Variants in FRK observed in about 807,000 individuals in gnomAD.
FRK encodes the protein fyn related Src family tyrosine kinase, also known as tyrosine-protein kinase FRK.
Under a neutral mutation model 56.4 loss-of-function variants are expected in FRK, and 51 were observed. The observed-to-expected ratio is 0.90, with a 90% CI of 0.72 to 1.14. FRK has a LOEUF of 1.14. Ranked by LOEUF, FRK falls within the 50% of genes most tolerant of loss-of-function variation. The probability of loss-of-function intolerance (pLI) is 0.00; values close to 1 mark genes in which losing one functional copy is unlikely to be tolerated. For missense variants in FRK, 570 were observed against 601.4 expected (o/e 0.95, Z 0.55); for synonymous variants, 245 against 217.9 (o/e 1.12, Z -1.10).
chr6:116,100,364 C>T, the FRK span, among the ~76,000 whole-genome samples: 21 of 152,350 alleles, frequency 1.4e-4, no homozygotes, highest in Non-Finnish European at 2.8e-4. Context: ...GTTTAAACCA[C>T]TATCAAAGAT....
At chr6:116,030,065 C>T (rs1259668489) in intron 1 of FRK, among the ~76,000 whole-genome samples, 1 of 152,072 alleles carries the variant, frequency 6.6e-6, no homozygotes, top group Non-Finnish European at 1.5e-5. Context: ...TTATGAACCA[C>T]AGACCCCTCG....
intron 1 of FRK, among the ~76,000 whole-genome samples, chr6:116,034,910 T>C (rs2114771414): frequency 6.6e-6 from 1 of 152,228 alleles, no homozygotes; most frequent in Admixed American, 6.5e-5. Context: ...TGCTTCAAAA[T>C]AACACCATAG....
rs1018634005 is a variant in FRK, at chr6:115,932,837, G to A, written c.*9577C>T. ...CCTCCACAGAGTCGGAAGAGTTTGG[G>A]CCCCTCCTGGTTCATTAGATCCACA... On this transcript the variant is annotated 3_prime_UTR_variant, in exon 8 of 8. Coordinates refer to ENST00000606080, the MANE Select transcript of FRK (RefSeq NM_002031.3). 6.6e-6 allele frequency: 1 copy of A among 152,178 alleles called. No homozygotes were observed. Among genetic ancestry groups the A allele is most frequent in the African/African-American group, 2.4e-5 (1 of 41,440 alleles). 9.4% of individuals were successfully genotyped at this position (152,178 alleles called of 1,614,324 possible).
At chr6:116,088,476 G>A in the FRK span, among the ~76,000 whole-genome samples, 2 of 152,158 alleles carry the variant, frequency 1.3e-5, no homozygotes, top group African/African-American at 2.4e-5. Flanking sequence ...TAAGGGCAAG[G>A]AAGTTGAAAA....
At chr6:116,016,420 A>T (rs1204079469) in intron 1 of FRK, among the ~76,000 whole-genome samples, 1 of 152,222 alleles carries the variant, frequency 6.6e-6, no homozygotes, top group Non-Finnish European at 1.5e-5. Flanking sequence ...AAATTATCAC[A>T]TGTACCCAGA....
At position 116,039,395 on chromosome 6, in the gene FRK, C is replaced by T; in HGVS notation, c.344+20573G>A. On this transcript the variant is annotated intron_variant, in intron 1 of 7. Coordinates refer to ENST00000606080, the MANE Select transcript of FRK (RefSeq NM_002031.3). ...TATGGAGGCTCTGTGATGGGGGCAA[C>T]CTGCAAGGAGCTGGCCAGCCAGCCT... is the stretch of plus-strand genomic sequence containing the variant. 5.1e-6 allele frequency: 8 copies of T among 1,566,278 alleles called. No individual in the cohort carries two copies. The South Asian group carries it at 7.8e-5, about 15-fold the overall frequency.
chr6:115,992,785 C>T (rs1272849041), intron 2 of FRK, among the ~76,000 whole-genome samples: 2 of 151,616 alleles, frequency 1.3e-5, no homozygotes, highest in African/African-American at 4.8e-5. Context: ...CAAGAAATGG[C>T]TTTTAGCAAG....
the FRK span, among the ~76,000 whole-genome samples, chr6:116,093,647 T>C: frequency 2.0e-5 from 3 of 152,308 alleles, no homozygotes; most frequent in South Asian, 6.2e-4. Flanking sequence ...ACTCAGATCA[T>C]GGGGACTGGA....
intron 2 of FRK, among the ~76,000 whole-genome samples, chr6:116,001,186 C>T (rs6934962): frequency 0.35 from 52,220 of 150,748 alleles, 11,343 homozygotes; most frequent in East Asian, 0.79. Flanking sequence ...TGCAGTGAGC[C>T]GACATGGCGC....
intron 5 of FRK, among the ~76,000 whole-genome samples, chr6:115,947,699 T>C (rs984433040): frequency 6.6e-6 from 1 of 152,086 alleles, no homozygotes; most frequent in Non-Finnish European, 1.5e-5. Flanking sequence ...AAAAAAAAAG[T>C]CTATTGTTTT....
chr6:116,018,175 A>G (rs930013238), intron 1 of FRK, among the ~76,000 whole-genome samples: 5 of 152,082 alleles, frequency 3.3e-5, no homozygotes, highest in African/African-American at 1.2e-4. Flanking sequence ...AAAATTCTCC[A>G]TGTTTCTGTA....
In FRK at chr6:115,966,852, C is replaced by CA. The variant is rs550012869; in HGVS notation, c.799+698dup. ...CACTTACTGTGAACCAGGCACTATACAAAGCATGTCCACTAATGACCTAAT... is the reference window on the plus strand; with the variant it reads ...CACTTACTGTGAACCAGGCACTATACAAAAGCATGTCCACTAATGACCTAAT... On this transcript the variant is annotated intron_variant, in intron 4 of 7. Coordinates refer to ENST00000606080, the MANE Select transcript of FRK (RefSeq NM_002031.3). Among the ~76,000 whole-genome samples, 19 of 152,278 alleles carry CA rather than the reference C, an allele frequency of 1.2e-4. No individual in the cohort carries two copies. The South Asian group carries it at 3.7e-3, about 30-fold the overall frequency.
intron 1 of FRK, among the ~76,000 whole-genome samples, chr6:116,050,867 C>T (rs768261113): frequency 3.9e-5 from 6 of 152,178 alleles, no homozygotes; most frequent in Non-Finnish European, 7.4e-5. Context: ...CTGAATCCTG[C>T]TTCTCAAAAG....
chr6:116,083,082 T>C, the FRK span, among the ~76,000 whole-genome samples: 10 of 152,264 alleles, frequency 6.6e-5, no homozygotes, highest in East Asian at 1.7e-3. Flanking sequence ...AGGAGTAGGG[T>C]TCCTATAAGC....
intron 1 of FRK, among the ~76,000 whole-genome samples, chr6:116,004,261 T>C (rs867690373): frequency 6.6e-6 from 1 of 152,260 alleles, no homozygotes. Context: ...CTGTGTTCTG[T>C]CTGAGAGGTC....
intron 5 of FRK, among the ~76,000 whole-genome samples, chr6:115,951,676 A>G (rs1435121501): frequency 1.3e-5 from 2 of 152,336 alleles, no homozygotes; most frequent in East Asian, 1.9e-4. Flanking sequence ...TGTTATTTCA[A>G]CTATCACATA....
Position 115,985,277 on chromosome 6 carries a change from C to T in FRK, c.467-16538G>A, listed in dbSNP as rs151056736. On this transcript the variant is annotated intron_variant, in intron 2 of 7. Transcript: ENST00000606080. ...CCCACACAAATAGCATCACTAAGCC[C>T]GGCCCTTTCATGAGCTCTCTTTGGG... Among the ~76,000 whole-genome samples the T allele has an allele frequency of 6.5e-3, 986 of 152,196 alleles. 9 individuals are homozygous for T. Among genetic ancestry groups the T allele is most frequent in the Non-Finnish European group, 9.7e-3 (661 of 67,996 alleles).
At chr6:116,043,342 A>G (rs960674157) in intron 1 of FRK, among the ~76,000 whole-genome samples, 1 of 152,154 alleles carries the variant, frequency 6.6e-6, no homozygotes, top group African/African-American at 2.4e-5. Context: ...TGGAAGTAAA[A>G]CACTCCTTAA....
At chr6:115,958,644 A>AAAAGAAAGAAAGAAAGAAAGAAAGAAAG (rs1171075326) in intron 4 of FRK, among the ~76,000 whole-genome samples, 2 of 3,818 alleles carry the variant, frequency 5.2e-4, no homozygotes, top group Admixed American at 3.1e-3. Flanking sequence ...GGAAAGAAAG[A>AAAAGAAAGAAAGAAAGAAAGAAAGAAAG]AAAGAAAGAA....
Sources: allele counts gnomAD v4.1 joint callset (sites outside exome capture counted in the v4.1 genomes callset), GRCh38; gene constraint gnomAD v4.1.1; transcripts MANE v1.5; gene names NCBI Gene and HGNC (gene_info 2026-07-23, HGNC 2026-07-21).